TCF3: variants seen among roughly 807,000 people sequenced by gnomAD.
TCF3 encodes transcription factor E2-alpha.
In TCF3, 54 loss-of-function variants were observed where a neutral mutation model predicts 72.3. The ratio of observed to expected loss-of-function variants is 0.75; its 90% CI spans 0.60 to 0.94. TCF3 has a LOEUF of 0.94. TCF3 is among the 40% of genes least tolerant of loss of function. TCF3 has a pLI of 0.00. For synonymous variants in TCF3, 525 were observed against 412.6 expected (o/e 1.27, Z -3.30); for missense variants, 1,078 against 934.4 (o/e 1.15, Z -2.00).
In TCF3 at chr19:1,632,090, A is replaced by G; in HGVS notation, c.246T>C (p.Thr82=). 1.9e-6 allele frequency: 3 copies of G among 1,613,392 alleles called. No individual in the cohort carries two copies. Among genetic ancestry groups the G allele is most frequent in the South Asian group, 1.1e-5 (1 of 90,950 alleles). Residue 82 remains threonine, a synonymous_variant, in exon 5 of 19, where the codon ACT becomes ACC. Coordinates refer to ENST00000262965, the MANE Select transcript of TCF3 (RefSeq NM_003200.5). The part of the protein sequence containing the change: ...SRTFSEGTHF[T]ESHSSLSSST... ...ATGAAGAGAGGCTGCTGTGCGACTC[A>G]GTGAAGTGGGTGCCCTCGCTGAAGG...
In TCF3 at chr19:1,619,824, G is replaced by A. The variant is rs1481750909; in HGVS notation, c.1123C>T (p.Pro375Ser). 1.3e-6 allele frequency: 2 copies of A among 1,578,312 alleles called. No homozygotes were observed. Among genetic ancestry groups the A allele is most frequent in the Non-Finnish European group, 1.7e-6 (2 of 1,163,054 alleles). Reference protein sequence around the residue: ...GTSQWPRAGAPGALSPSYDGG... With the variant: ...GTSQWPRAGASGALSPSYDGG... ...TCGTAGCTGGGCGATAAGGCACCGG[G>A]GGCTCCTGCTCGAGGCCACTGTGAC... The change falls in exon 14 of 19, where the codon CCC (proline) becomes TCC (serine). Residue 375 changes from proline to serine, a missense_variant. Coordinates refer to ENST00000262965, the MANE Select transcript of TCF3 (RefSeq NM_003200.5).
At chr19:1,635,111 T>C (rs532088993) in intron 3 of TCF3, among the ~76,000 whole-genome samples, 1 of 152,204 alleles carries the variant, frequency 6.6e-6, no homozygotes, top group Non-Finnish European at 1.5e-5. Context: ...CACAGCCCTG[T>C]GTACCGCCCC....
intron 7 of TCF3, among the ~76,000 whole-genome samples, chr19:1,625,230 G>T (rs1380941384): frequency 6.6e-6 from 1 of 152,226 alleles, no homozygotes; most frequent in Non-Finnish European, 1.5e-5. Context: ...GCCTCGCGGG[G>T]GATGCCCGCG....
At position 1,621,989 on chromosome 19, in the gene TCF3, G is replaced by A. The variant is rs778811364; in HGVS notation, c.823-19C>T. The stretch of plus-strand genomic sequence containing the variant: ...GGTAGCCCTGGGGGGTCAGGCAGGA[G>A]GAGGGTGGGTTAGATGGGCACTGCC... On this transcript the variant is annotated intron_variant, in intron 10 of 18. Coordinates refer to ENST00000262965, the MANE Select transcript of TCF3 (RefSeq NM_003200.5). 9 of 1,602,544 alleles carry A rather than the reference G, an allele frequency of 5.6e-6. No homozygotes were observed. Among genetic ancestry groups the A allele is most frequent in the South Asian group, 1.1e-5 (1 of 89,260 alleles).
Position 1,646,344 on chromosome 19 carries a change from C to T in TCF3, c.145+11G>A, listed in dbSNP as rs1217912340. The T allele has an allele frequency of 8.4e-6, 13 of 1,549,876 alleles. No homozygotes were observed. Among genetic ancestry groups the T allele is most frequent in the Non-Finnish European group, 1.1e-5 (13 of 1,146,310 alleles). On this transcript the variant is annotated intron_variant, in intron 3 of 18. Coordinates refer to ENST00000262965, the MANE Select transcript of TCF3 (RefSeq NM_003200.5). ...CACTCCACGAGCGCTGGCAGGAAGG[C>T]GGGGTCCTACCTGAACCTCCGAACT...
intron 3 of TCF3, among the ~76,000 whole-genome samples, chr19:1,635,224 A>G (rs1447818341): frequency 1.3e-5 from 2 of 152,208 alleles, no homozygotes; most frequent in Non-Finnish European, 2.9e-5. Context: ...TCAGGTGCTC[A>G]GGCTAAAGTC....
Position 1,619,135 on chromosome 19 carries a change from A to G in TCF3, c.1426T>C (p.Ser476Pro). 1.9e-6 allele frequency: 3 copies of G among 1,599,824 alleles called. No homozygotes were observed. Among genetic ancestry groups the G allele is most frequent in the Non-Finnish European group, 2.5e-6 (3 of 1,179,750 alleles). ...CCACTGTAGGAGTCGGGAGGCCGAG[A>G]CAGGTCAGGGAGGGTGCCTGGCTGG... ...PSQPGTLPDLSRPPDSYSGLG... is the reference protein window; with the variant it reads ...PSQPGTLPDLPRPPDSYSGLG... The change falls in exon 16 of 19, where the codon TCT becomes CCT. Residue 476 changes from serine to proline, a missense_variant. Ser to Pro is a moderately conservative substitution (Grantham distance 74, BLOSUM62 -1). Coordinates refer to ENST00000262965, the MANE Select transcript of TCF3 (RefSeq NM_003200.5).
intron 6 of TCF3, 24 bp from the exon 7 acceptor site, chr19:1,625,732 A>C: frequency 6.8e-7 from 1 of 1,476,498 alleles, no homozygotes; most frequent in Non-Finnish European, 8.9e-7. Flanking sequence ...GATGGTCAGA[A>C]AGCGCCCAGC....
intron 2 of TCF3, among the ~76,000 whole-genome samples, chr19:1,647,659 G>A (rs549381798): frequency 1.3e-5 from 2 of 152,318 alleles, no homozygotes; most frequent in South Asian, 2.1e-4. Context: ...GACCTCCAAG[G>A]GCCAACCTCT....
intron 1 of TCF3, chr19:1,650,723 CG>C: frequency 8.6e-6 from 2 of 232,600 alleles, no homozygotes; most frequent in Admixed American, 1.1e-4. Flanking sequence ...TACCCCGCCC[CG>C]AGGGAAATTT....
intron 3 of TCF3, among the ~76,000 whole-genome samples, chr19:1,641,565 G>C (rs906143231): frequency 1.8e-4 from 27 of 152,256 alleles, no homozygotes; most frequent in African/African-American, 5.1e-4. Flanking sequence ...TGCTTTTCGT[G>C]TCTCAGCCTC....
At position 1,632,412 on chromosome 19, in the gene TCF3, G is replaced by A. The variant is rs772492144; in HGVS notation, c.146-7C>T. 7 of 1,588,060 alleles carry A rather than the reference G, an allele frequency of 4.4e-6. No homozygotes were observed. The East Asian group carries it at 1.4e-4, about 31-fold the overall frequency. On this transcript the variant is annotated splice_polypyrimidine_tract_variant and splice_region_variant and intron_variant, in intron 3 of 18. Transcript: ENST00000262965. ...CTGGGCCGGTCCTCAAGACCTGCAGGCAGGACAGAGAGAGTTATGGGTCAC... is the reference window on the plus strand; with the variant it reads ...CTGGGCCGGTCCTCAAGACCTGCAGACAGGACAGAGAGAGTTATGGGTCAC...
intron 3 of TCF3, among the ~76,000 whole-genome samples, chr19:1,639,734 C>T (rs2064966057): frequency 1.5e-5 from 2 of 136,784 alleles, no homozygotes; most frequent in Admixed American, 1.6e-4. Context: ...AGCAACCTGA[C>T]CTGAAGAGGA....
intron 3 of TCF3, among the ~76,000 whole-genome samples, chr19:1,640,454 C>T (rs562369227): frequency 4.5e-4 from 69 of 152,276 alleles, no homozygotes; most frequent in African/African-American, 1.3e-3. Flanking sequence ...AATAATTACA[C>T]CTATTTCGCT....
intron 14 of TCF3, 103 bp downstream of exon 14, chr19:1,619,677 G>A (rs1568357540): frequency 3.9e-6 from 5 of 1,271,286 alleles, no homozygotes; most frequent in Non-Finnish European, 5.4e-6. Flanking sequence ...ACAGCTTGGG[G>A]CTTATTTACA....
intron 3 of TCF3, among the ~76,000 whole-genome samples, chr19:1,641,655 G>A (rs955188878): frequency 1.5e-4 from 23 of 152,114 alleles, no homozygotes; most frequent in African/African-American, 4.3e-4. Context: ...GTTTCGCCAC[G>A]TTGACTAGGC....
intron 2 of TCF3, among the ~76,000 whole-genome samples, chr19:1,649,753 G>A (rs993327547): frequency 2.0e-5 from 3 of 152,078 alleles, no homozygotes; most frequent in Non-Finnish European, 4.4e-5. Flanking sequence ...AGGGTCTCCA[G>A]GGTCTCACTG....
At chr19:1,617,313 G>A (rs1299677987) in intron 16 of TCF3, among the ~76,000 whole-genome samples, 2 of 152,194 alleles carry the variant, frequency 1.3e-5, no homozygotes, top group East Asian at 1.9e-4. Context: ...CACTCACAAT[G>A]GGACCCCAGC....
intron 14 of TCF3, 61 bp downstream of exon 14, chr19:1,619,716 CAAG>C: frequency 7.4e-7 from 1 of 1,344,034 alleles, no homozygotes; most frequent in Non-Finnish European, 1.0e-6. Context: ...TTCTCCTTCT[CAAG>C]GAGCGTCTGT....
Sources: allele counts gnomAD v4.1 joint callset (sites outside exome capture counted in the v4.1 genomes callset), GRCh38; gene constraint gnomAD v4.1.1; transcripts MANE v1.5; gene names NCBI Gene and HGNC (gene_info 2026-07-23, HGNC 2026-07-21).